UGGT1: variants seen among roughly 807,000 people sequenced by gnomAD.
UGGT1 encodes the protein UDP-glucose:glycoprotein glucosyltransferase 1.
UGGT1 carries 107 observed loss-of-function variants against 203.9 expected under a neutral mutation model. The ratio of observed to expected loss-of-function variants is 0.52; its 90% CI spans 0.45 to 0.62. The LOEUF (loss-of-function observed/expected upper bound fraction) is 0.62, where lower values mean the gene tolerates loss of function less well. UGGT1 is among the 20% of genes least tolerant of loss of function. UGGT1 has a pLI of 0.00. For synonymous variants in UGGT1, 628 were observed against 653.5 expected (o/e 0.96, Z 0.59); for missense variants, 1,673 against 1,867.2 (o/e 0.90, Z 1.92).
Position 128,189,781 on chromosome 2 carries a change from C to T in UGGT1, c.*39C>T. 1 of 1,609,240 alleles carries T rather than the reference C, an allele frequency of 6.2e-7. No individual in the cohort carries two copies. Among genetic ancestry groups the T allele is most frequent in the Non-Finnish European group, 8.5e-7 (1 of 1,176,850 alleles). On this transcript the variant is annotated 3_prime_UTR_variant, in exon 41 of 41. Transcript: ENST00000259253. ...ACAGGAAATCACCCCATTTGAAAAA[C>T]AGTTTTTATAATAAATGCTAGTTTT...
At position 128,172,698 on chromosome 2, in the gene UGGT1, C is replaced by G; in HGVS notation, c.3230C>G (p.Pro1077Arg). Residue 1077 changes from proline (P) to arginine (R), a missense_variant, in exon 29 of 41, where the codon CCT (proline) becomes CGT (arginine). Around this residue, in one of 4 missense-constraint regions of UGGT1, gnomAD observed 513 missense variants for 684.1 expected, o/e 0.75. Transcript: ENST00000259253. The part of the protein sequence containing the change: ...SPLFTLNLNT[P>R]ESWMVESVRT... ...CTGTTCACTCTGAATTTGAACACAC[C>G]TGAGAGCTGGATGGTAGAATCTGTC... 2 of 1,614,092 alleles carry G rather than the reference C, an allele frequency of 1.2e-6. No individual in the cohort carries two copies. The highest frequency in any genetic ancestry group is 2.7e-5 in the African/African-American group (2 of 75,028).
In UGGT1 at chr2:128,190,672, C is replaced by T. The variant is rs1214665572; in HGVS notation, c.*930C>T. 1 of 152,254 alleles carries T rather than the reference C, an allele frequency of 6.6e-6. No homozygotes were observed. The highest frequency in any genetic ancestry group is 2.4e-5 in the African/African-American group (1 of 41,446). The allele number at this position is 152,254 out of a possible 1,614,324, so 9.4% of individuals were successfully genotyped here. ...CCTCTCGCATCCAGCCCGTCAGGGT[C>T]AGGGTCAGGGTCAGGCTCCCTCAAG... On this transcript the variant is annotated 3_prime_UTR_variant, in exon 41 of 41. Coordinates refer to ENST00000259253, the MANE Select transcript of UGGT1 (RefSeq NM_020120.4).
At chr2:128,102,742 C>CT (rs1470143937) in intron 2 of UGGT1, among the ~76,000 whole-genome samples, 3 of 152,104 alleles carry the variant, frequency 2.0e-5, no homozygotes, top group Non-Finnish European at 4.4e-5. Context: ...CTGGGAGAGT[C>CT]TTAGTCTGAT....
intron 31 of UGGT1, among the ~76,000 whole-genome samples, chr2:128,176,120 G>A (rs2104799191): frequency 6.6e-6 from 1 of 152,254 alleles, no homozygotes; most frequent in East Asian, 1.9e-4. Context: ...CAGTTAAAGA[G>A]TAGTGGCCGG....
Position 128,155,477 on chromosome 2 carries a change from T to C in UGGT1, c.2138-12T>C, listed in dbSNP as rs1417181384. 6.2e-7 allele frequency: 1 copy of C among 1,601,838 alleles called. No homozygotes were observed. Among genetic ancestry groups the C allele is most frequent in the Non-Finnish European group, 8.5e-7 (1 of 1,171,200 alleles). On this transcript the variant is annotated splice_polypyrimidine_tract_variant and intron_variant, in intron 19 of 40. Coordinates refer to ENST00000259253, the MANE Select transcript of UGGT1 (RefSeq NM_020120.4). ...TGGAACTAATATATACGTATTTCAT[T>C]TTTTCTCCCAGATAACTTCTTTGTG...
chr2:128,094,711 G>GTC (rs1271410010), intron 1 of UGGT1, among the ~76,000 whole-genome samples: 1 of 141,928 alleles, frequency 7.0e-6, no homozygotes, highest in African/African-American at 2.7e-5. Flanking sequence ...GGGAAAGGGT[G>GTC]TCTATGGTTA....
intron 37 of UGGT1, among the ~76,000 whole-genome samples, chr2:128,183,026 C>T (rs994533300): frequency 3.8e-4 from 57 of 149,626 alleles, no homozygotes; most frequent in Admixed American, 1.1e-3. Context: ...TTATAGTTTT[C>T]CCTGTGACCT....
chr2:128,100,298 C>T (rs1183485779), intron 2 of UGGT1, among the ~76,000 whole-genome samples: 4 of 152,218 alleles, frequency 2.6e-5, no homozygotes, highest in African/African-American at 9.6e-5. Context: ...CTTGGCCTCC[C>T]AAAGTGCTGG....
intron 8 of UGGT1, among the ~76,000 whole-genome samples, chr2:128,117,045 T>G (rs1453879772): frequency 1.3e-5 from 2 of 152,200 alleles, no homozygotes; most frequent in African/African-American, 2.4e-5. Flanking sequence ...ATAGTAAATT[T>G]TATACATGCT....
In UGGT1 at chr2:128,123,200, C is replaced by T. The variant is rs1486954499; in HGVS notation, c.1088C>T (p.Thr363Ile). 6.2e-7 allele frequency: 1 copy of T among 1,613,292 alleles called. No homozygotes were observed. The highest frequency in any genetic ancestry group is 8.5e-7 in the Non-Finnish European group (1 of 1,179,586). Residue 363 changes from threonine to isoleucine, a missense_variant, in exon 11 of 41, where the codon ACA (threonine) becomes ATA (isoleucine). Physicochemically the swap from Thr to Ile is moderately conservative, Grantham distance 89 (BLOSUM62 -1). Around this residue, in one of 4 missense-constraint regions of UGGT1, gnomAD observed 1,073 missense variants for 1,078.7 expected, o/e 0.99. Transcript: ENST00000259253. ...FPTKARAITK[T>I]AVSSELRTEV... Reference sequence around the variant, plus strand: ...TATTTCCTTAGAGCAATAACAAAAACAGCTGTGAGCTCAGAACTTAGAACC... The same window carrying T: ...TATTTCCTTAGAGCAATAACAAAAATAGCTGTGAGCTCAGAACTTAGAACC...
rs1285111868 is a variant in UGGT1, at chr2:128,155,400, T to G, written c.2138-89T>G. 5.1e-6 allele frequency: 5 copies of G among 971,726 alleles called. No homozygotes were observed. The South Asian group carries it at 6.3e-5, about 12-fold the overall frequency. The allele number at this position is 971,726 out of a possible 1,614,324, so 60.2% of individuals were successfully genotyped here. ...CTTCACTCACGCATTTCTATAAATC[T>G]TATATTATGATCAAGTCAGGTTATC... On this transcript the variant is annotated intron_variant, in intron 19 of 40. Coordinates refer to ENST00000259253, the MANE Select transcript of UGGT1 (RefSeq NM_020120.4).
chr2:128,185,675 A>G (rs1691941346), intron 38 of UGGT1, among the ~76,000 whole-genome samples: 1 of 151,854 alleles, frequency 6.6e-6, no homozygotes, highest in African/African-American at 2.4e-5. Context: ...GGGTTTTGCC[A>G]TGTTGCCCTG....
intron 19 of UGGT1, among the ~76,000 whole-genome samples, chr2:128,153,649 T>A (rs1690088721): frequency 6.6e-6 from 1 of 152,244 alleles, no homozygotes; most frequent in South Asian, 2.1e-4. Flanking sequence ...TTGTTAAGGC[T>A]TATGCATGTT....
At chr2:128,120,615 A>G (rs1038205871) in intron 9 of UGGT1, among the ~76,000 whole-genome samples, 159 bp downstream of exon 9, 1 of 152,198 alleles carries the variant, frequency 6.6e-6, no homozygotes, top group Admixed American at 6.5e-5. Flanking sequence ...CAGGGAAGAA[A>G]GGAAGTCCTT....
At chr2:128,169,048 TAAAAAAAAAAAAAAAAAAAAAAAA>T (rs544381740) in intron 26 of UGGT1, among the ~76,000 whole-genome samples, 18,288 of 53,160 alleles carry the variant, frequency 0.34, 2,429 homozygotes, top group South Asian at 0.54. Context: ...ACTCTGTCTT[TAAAAAAAAAAAAAAAAAAAAAAAA>T]AAAAAAAAAA....
At chr2:128,170,260 T>C (rs757271021) in intron 26 of UGGT1, 28 bp from the exon 27 acceptor site, 1 of 1,600,506 alleles carries the variant, frequency 6.2e-7, no homozygotes, top group South Asian at 1.1e-5. Context: ...GTCCTCCAGG[T>C]TAATGTTTTA....
At chr2:128,186,573 C>T in intron 38 of UGGT1, 110 bp from the exon 39 acceptor site, 1 of 845,270 alleles carries the variant, frequency 1.2e-6, no homozygotes, top group Non-Finnish European at 1.8e-6. Context: ...TACTACTGCA[C>T]TCCAACCTGG....
intron 25 of UGGT1, 124 bp from the exon 26 acceptor site, chr2:128,164,606 G>A (rs1690691315): frequency 1.3e-6 from 1 of 744,742 alleles, no homozygotes; most frequent in Non-Finnish European, 2.3e-6. Flanking sequence ...CTATCAGTAC[G>A]GACTTTATAC....
chr2:128,095,860 C>T (rs1005449098), intron 1 of UGGT1, among the ~76,000 whole-genome samples: 8 of 152,162 alleles, frequency 5.3e-5, no homozygotes, highest in Admixed American at 5.2e-4. Context: ...TGTGGACAGC[C>T]TCCCTCAGTG....
Sources: allele counts gnomAD v4.1 joint callset (sites outside exome capture counted in the v4.1 genomes callset), GRCh38; gene constraint gnomAD v4.1.1; regional missense constraint gnomAD v4.1.1; transcripts MANE v1.5; gene names NCBI Gene and HGNC (gene_info 2026-07-23, HGNC 2026-07-21).